KIAA0319: variants seen among roughly 807,000 people sequenced by gnomAD.
KIAA0319 encodes KIAA0319.
KIAA0319 carries 83 observed loss-of-function variants against 108.4 expected under a neutral mutation model. The ratio of observed to expected loss-of-function variants is 0.77; its 90% CI spans 0.64 to 0.92. The LOEUF (loss-of-function observed/expected upper bound fraction) is 0.92, where lower values mean the gene tolerates loss of function less well. Ranked by LOEUF, KIAA0319 falls within the 40% of genes least tolerant of loss-of-function variation. The pLI is 0.00. For missense variants in KIAA0319, 1,195 were observed against 1,322.4 expected, an observed-to-expected ratio of 0.90 and a Z score of 1.49; for synonymous variants, 484 against 510.4, an observed-to-expected ratio of 0.95 and a Z score of 0.70.
At chr6:24,582,418 A>G in intron 5 of KIAA0319, 72 bp from the exon 6 acceptor site, 1 of 886,476 alleles carries the variant, frequency 1.1e-6, no homozygotes, top group Non-Finnish European at 1.9e-6. Flanking sequence ...CAGAGGGAAG[A>G]TGACAGCCTT....
At chr6:24,644,145 C>T (rs1777309814) in intron 1 of KIAA0319, among the ~76,000 whole-genome samples, 1 of 152,224 alleles carries the variant, frequency 6.6e-6, no homozygotes, top group Non-Finnish European at 1.5e-5. Flanking sequence ...GTTTCCTTCA[C>T]ATCCCAAAGC....
rs370254196 is a variant in KIAA0319, at chr6:24,629,291, G to C, written c.-106+16445C>G. On this transcript the variant is annotated intron_variant, in intron 1 of 20. Transcript: ENST00000378214. ...AGCACTTTGGGATGCCAAGGAGGGA[G>C]GATCACGAGGTCAGGAGATTGAGAC... is the stretch of plus-strand genomic sequence containing the variant. Among the ~76,000 whole-genome samples, 4 of 152,118 alleles carry C rather than the reference G, an allele frequency of 2.6e-5. No homozygotes were observed. In the South Asian group the frequency reaches 6.2e-4, roughly 24 times the overall value.
chr6:24,551,363 A>G, intron 20 of KIAA0319, 71 bp downstream of exon 20: 2 of 1,010,048 alleles, frequency 2.0e-6, no homozygotes, highest in Non-Finnish European at 1.6e-6. Context: ...CCTCTATCCA[A>G]GTTAGCCCTC....
Position 24,595,419 on chromosome 6 carries a change from C to G in KIAA0319, c.801+454G>C, listed in dbSNP as rs191780436. Among the ~76,000 whole-genome samples, 553 of 151,914 alleles carry G rather than the reference C, an allele frequency of 3.6e-3. 1 individual carries two copies. Among genetic ancestry groups the G allele is most frequent in the African/African-American group, 0.013 (518 of 41,396 alleles). ...AAAATTAGCTGGGCATGGTGATGGG[C>G]GCCTATAGTCCCAGCTACTCGGGAG... is the stretch of plus-strand genomic sequence containing the variant. On this transcript the variant is annotated intron_variant, in intron 3 of 20. Transcript: ENST00000378214.
At chr6:24,631,039 G>A (rs1165366472) in intron 1 of KIAA0319, among the ~76,000 whole-genome samples, 1 of 152,222 alleles carries the variant, frequency 6.6e-6, no homozygotes, top group East Asian at 1.9e-4. Context: ...AGAACGAGCT[G>A]TATTTATAGG....
chr6:24,559,542 C>G (rs938496922), intron 16 of KIAA0319, among the ~76,000 whole-genome samples: 1 of 151,934 alleles, frequency 6.6e-6, no homozygotes, highest in Non-Finnish European at 1.5e-5. Context: ...CCTTCTAGAT[C>G]TTGCCCTATG....
At chr6:24,548,119 T>C (rs1051166345) in intron 20 of KIAA0319, among the ~76,000 whole-genome samples, 2 of 152,154 alleles carry the variant, frequency 1.3e-5, no homozygotes, top group African/African-American at 4.8e-5. Flanking sequence ...AAATTGTATA[T>C]GAATTAGGAG....
At position 24,580,917 on chromosome 6, in the gene KIAA0319, C is replaced by T. The variant is rs144382827; in HGVS notation, c.1279+9G>A. On this transcript the variant is annotated intron_variant, in intron 7 of 20. Coordinates refer to ENST00000378214, the MANE Select transcript of KIAA0319 (RefSeq NM_014809.4). ...TACAACAGGAGGTCATTCTCTTACACCGGCTTACCAGGCTTAACAGTGACA... is the reference window on the plus strand; with the variant it reads ...TACAACAGGAGGTCATTCTCTTACATCGGCTTACCAGGCTTAACAGTGACA... 2.5e-6 allele frequency: 4 copies of T among 1,591,456 alleles called. No individual in the cohort carries two copies. The African/African-American group carries it at 4.0e-5, about 16-fold the overall frequency.
At chr6:24,633,368 AATT>A (rs1430070360) in intron 1 of KIAA0319, among the ~76,000 whole-genome samples, 1 of 152,208 alleles carries the variant, frequency 6.6e-6, no homozygotes, top group Non-Finnish European at 1.5e-5. Flanking sequence ...TGGGAAAGAT[AATT>A]AAAGATATGA....
Position 24,581,020 on chromosome 6 carries a change from CAT to C in KIAA0319, c.1192-9_1192-8del, listed in dbSNP as rs1561987212. On this transcript the variant is annotated splice_polypyrimidine_tract_variant and splice_region_variant and intron_variant, in intron 6 of 20. Coordinates refer to ENST00000378214, the MANE Select transcript of KIAA0319 (RefSeq NM_014809.4). The stretch of plus-strand genomic sequence containing the variant: ...CATAAAGTCCGACGGACAACTGTAA[CAT>C]AAAGAAAAGTTGTACAGTTCAACAT... The C allele has an allele frequency of 1.9e-6, 3 of 1,585,726 alleles. No individual in the cohort carries two copies. Among genetic ancestry groups the C allele is most frequent in the Non-Finnish European group, 2.6e-6 (3 of 1,155,010 alleles).
intron 6 of KIAA0319, 50 bp from the exon 7 acceptor site, chr6:24,581,063 TC>T: frequency 8.5e-7 from 1 of 1,175,686 alleles, no homozygotes. Flanking sequence ...ACGTGATGGG[TC>T]CACTACGTAG....
rs1252502318 is a variant in KIAA0319 at position 24,564,246 on chromosome 6, T to G, written c.2387A>C (p.Gln796Pro). Reference protein sequence around the residue: ...YTFHLRVTDSQGASDTDTATV... With the variant: ...YTFHLRVTDSPGASDTDTATV... ...GGCAGTGTCTGTGTCCGAGGCCCCC[T>G]GACTGTCGGTGACTCGCAAGTGGAA... Residue 796 changes from glutamine (Q) to proline (P), a missense_variant, in exon 15 of 21, where the codon CAG (glutamine) becomes CCG (proline). Gln to Pro is a moderately conservative substitution (Grantham distance 76). Transcript: ENST00000378214. 1.2e-6 allele frequency: 2 copies of G among 1,613,968 alleles called. No individual in the cohort carries two copies. Among genetic ancestry groups the G allele is most frequent in the Non-Finnish European group, 1.7e-6 (2 of 1,180,012 alleles).
At chr6:24,564,974 A>G (rs2817192) in intron 14 of KIAA0319, among the ~76,000 whole-genome samples, 8,872 of 152,304 alleles carry the variant, frequency 0.058, 619 homozygotes, top group African/African-American at 0.17. Context: ...TTGGCAGGGC[A>G]TGGTGGCTCA....
chr6:24,611,133 G>A (rs1222498915), intron 1 of KIAA0319, among the ~76,000 whole-genome samples: 1 of 151,244 alleles, frequency 6.6e-6, no homozygotes, highest in Non-Finnish European at 1.5e-5. Flanking sequence ...TTGGGAGATT[G>A]GAAGAAAATG....
In KIAA0319 at chr6:24,569,969, G is replaced by A. The variant is rs1319285277; in HGVS notation, c.1925C>T (p.Ala642Val). The part of the protein sequence containing the change: ...DKELIFPVES[A>V]TLDGSSSSDD... ...GCTGCTGCTGCTCCCATCCAGGGTA[G>A]CACTTTCCACTGGGAAGATCAGCTC... Residue 642 changes from alanine (A) to valine (V), a missense_variant, in exon 12 of 21, where the codon GCT becomes GTT. Ala to Val is a moderately conservative substitution (Grantham distance 64). Coordinates refer to ENST00000378214, the MANE Select transcript of KIAA0319 (RefSeq NM_014809.4). 3.1e-6 allele frequency: 5 copies of A among 1,614,048 alleles called. No individual in the cohort carries two copies. Among genetic ancestry groups the A allele is most frequent in the Non-Finnish European group, 4.2e-6 (5 of 1,179,892 alleles).
intron 1 of KIAA0319, among the ~76,000 whole-genome samples, chr6:24,606,778 A>G (rs1410556594): frequency 6.6e-6 from 1 of 152,250 alleles, no homozygotes; most frequent in Admixed American, 6.5e-5. Flanking sequence ...TCAAAGAGAC[A>G]GAAAAGGAAC....
chr6:24,579,794 A>G, intron 8 of KIAA0319, 64 bp downstream of exon 8: 1 of 1,273,570 alleles, frequency 7.9e-7, no homozygotes, highest in South Asian at 1.3e-5. Context: ...GATGCAGAGC[A>G]CTCATTACAT....
At chr6:24,573,183 A>G (rs1285454929) in intron 10 of KIAA0319, among the ~76,000 whole-genome samples, 1 of 152,198 alleles carries the variant, frequency 6.6e-6, no homozygotes, top group Non-Finnish European at 1.5e-5. Flanking sequence ...CTATTGAAGG[A>G]GTGTAAACTA....
At position 24,600,590 on chromosome 6, in the gene KIAA0319, T is replaced by C. The variant is rs552034003; in HGVS notation, c.55+459A>G. The stretch of plus-strand genomic sequence containing the variant: ...GTACATAACAGTTTTTCTAGTCATA[T>C]CACCACCCTCAATCCTTGGTATACT... On this transcript the variant is annotated intron_variant, in intron 2 of 20. Transcript: ENST00000378214. 2.3e-4 allele frequency: 273 copies of C among 1,190,184 alleles called. 2 individuals carry two copies. The African/African-American group carries it at 3.8e-3, about 17-fold the overall frequency. 73.7% of individuals were successfully genotyped at this position (1,190,184 alleles called of 1,614,324 possible). A position where few individuals can be genotyped will look rare whatever the true frequency, so the allele number is the denominator to read the frequency against.
Sources: gnomAD v4.1 joint callset for allele counts (sites outside exome capture counted in the v4.1 genomes callset) on GRCh38, gnomAD v4.1.1 for gene constraint, MANE v1.5 for transcripts, NCBI Gene and HGNC (gene_info 2026-07-23, HGNC 2026-07-21) for gene names.